UNC13C: variants seen among roughly 807,000 people sequenced by gnomAD.
The protein encoded by UNC13C is unc-13 homolog C, also known as protein unc-13 homolog C.
Under a neutral mutation model 245.4 loss-of-function variants are expected in UNC13C, and 174 were observed. The ratio of observed to expected loss-of-function variants is 0.71; its 90% CI spans 0.63 to 0.80. The LOEUF (loss-of-function observed/expected upper bound fraction) is 0.80. UNC13C is among the 30% of genes least tolerant of loss of function. The probability of loss-of-function intolerance (pLI) is 0.00; values close to 1 mark genes in which losing one functional copy is unlikely to be tolerated. For missense variants in UNC13C, 2,829 were observed against 2,602.9 expected (o/e 1.09, Z -1.89); for synonymous variants, 992 against 895.1 (o/e 1.11, Z -1.93).
chr15:53,842,917 T>A, the UNC13C span, among the ~76,000 whole-genome samples: 2 of 146,834 alleles, frequency 1.4e-5, no homozygotes, highest in South Asian at 4.2e-4. Context: ...TATATATATA[T>A]AATGTAAAAA....
rs115283904 is a variant in UNC13C at position 54,239,589 on chromosome 15, T to C, written c.3228+1899T>C. Among the ~76,000 whole-genome samples the C allele has an allele frequency of 9.4e-3, 1,426 of 152,112 alleles. 18 individuals carry two copies. The highest frequency in any genetic ancestry group is 0.033 in the African/African-American group (1,365 of 41,438). On this transcript the variant is annotated intron_variant, in intron 7 of 32. Transcript: ENST00000260323. Reference sequence around the variant, plus strand: ...CCTCTGCCTTCTGGGTAGTTGAGGCTAAAGGCATATGCCACCACACTCAGC... The same window carrying C: ...CCTCTGCCTTCTGGGTAGTTGAGGCCAAAGGCATATGCCACCACACTCAGC...
chr15:54,512,305 C>CGTGTCTGTA (rs1596496105), intron 24 of UNC13C: 5 of 455,420 alleles, frequency 1.1e-5, no homozygotes, highest in Non-Finnish European at 2.2e-5. Flanking sequence ...TGTAATGTGT[C>CGTGTCTGTA]ATGTCTTTGT....
At chr15:54,612,288 T>C (rs1017697227) in intron 30 of UNC13C, among the ~76,000 whole-genome samples, 25 of 67,866 alleles carry the variant, frequency 3.7e-4, no homozygotes, top group South Asian at 1.2e-3. Flanking sequence ...CAATGCTAGA[T>C]ACCTTAAAGG....
chr15:54,419,168 T>C lies in UNC13C; in HGVS notation c.4933+4101T>C, dbSNP rs143178436. Reference sequence around the variant, plus strand: ...CCATCTACTAAATCACTTTGTTATCTATTTCAGTAAAAGATAATTAAAATA... The same window carrying C: ...CCATCTACTAAATCACTTTGTTATCCATTTCAGTAAAAGATAATTAAAATA... On this transcript the variant is annotated intron_variant, in intron 19 of 32. Transcript: ENST00000260323. Among the ~76,000 whole-genome samples, 17 of 152,326 alleles carry C rather than the reference T, an allele frequency of 1.1e-4. No homozygotes were observed. In the East Asian group the frequency reaches 2.1e-3, roughly 19 times the overall value.
the UNC13C span, among the ~76,000 whole-genome samples, chr15:53,949,085 G>T: frequency 1.3e-5 from 2 of 152,190 alleles, no homozygotes; most frequent in Non-Finnish European, 2.9e-5. Flanking sequence ...GAGGAGTACA[G>T]AAAATAGATA....
chr15:54,528,808 G>A (rs1226803591), intron 25 of UNC13C, among the ~76,000 whole-genome samples: 1 of 152,112 alleles, frequency 6.6e-6, no homozygotes, highest in Non-Finnish European at 1.5e-5. Context: ...AAATCAACTA[G>A]TTCAAAATAT....
chr15:54,375,123 T>C (rs1040176265), intron 17 of UNC13C, among the ~76,000 whole-genome samples: 8 of 152,190 alleles, frequency 5.3e-5, no homozygotes, highest in Non-Finnish European at 8.8e-5. Flanking sequence ...TACCTGTAAG[T>C]AGAATTACAG....
chr15:54,494,066 A>G lies in UNC13C; in HGVS notation c.4934-542A>G, dbSNP rs373193018. 1.4e-3 allele frequency among the ~76,000 whole-genome samples: 217 copies of G among 152,232 alleles called. 1 individual carries two copies. The highest frequency in any genetic ancestry group is 5.1e-3 in the African/African-American group (211 of 41,568). On this transcript the variant is annotated intron_variant, in intron 19 of 32. Coordinates refer to ENST00000260323, the MANE Select transcript of UNC13C (RefSeq NM_001080534.3). ...ATTTTAATGCTTTAGGGGGTAAATAACTAGGCCAGAAATGTGATCTACTCA... is the reference window on the plus strand; with the variant it reads ...ATTTTAATGCTTTAGGGGGTAAATAGCTAGGCCAGAAATGTGATCTACTCA...
At chr15:54,260,536 G>A (rs139480021) in intron 8 of UNC13C, among the ~76,000 whole-genome samples, 3,620 of 149,340 alleles carry the variant, frequency 0.024, 55 homozygotes, top group Non-Finnish European at 0.031. Context: ...ACATAGATAT[G>A]TATACATATA....
At position 54,167,500 on chromosome 15, in the gene UNC13C, CAAAAAAA is replaced by C. The variant is rs67762910; in HGVS notation, c.3071+23829_3071+23835del. ...CTGGGTGACAGAGCGACACTCGTCT[CAAAAAAA>C]AAAAAAAAAAAAGAAAAGAAAAATA... is the stretch of plus-strand genomic sequence containing the variant. On this transcript the variant is annotated intron_variant, in intron 4 of 32. Transcript: ENST00000260323. Among the ~76,000 whole-genome samples, 60 of 90,652 alleles carry C rather than the reference CAAAAAAA, an allele frequency of 6.6e-4. 1 individual carries two copies. Among genetic ancestry groups the C allele is most frequent in the Admixed American group, 1.5e-3 (11 of 7,480 alleles). 59.5% of individuals were successfully genotyped at this position (90,652 alleles called of 152,430 possible). A position where few individuals can be genotyped will look rare whatever the true frequency, so the allele number is the denominator to read the frequency against.
rs1380191507 is a variant in UNC13C, at chr15:54,500,894, G to A, written c.5217G>A (p.Gln1739=). Residue 1739 remains glutamine, a synonymous_variant, in exon 22 of 33, where the codon CAG becomes CAA. Transcript: ENST00000260323. Reference sequence around the variant, plus strand: ...GCTCCGTGGTTGATGTCTTTGCTCAGCTGAATCAGAGCTTTGAAATTATTA... The same window carrying A: ...GCTCCGTGGTTGATGTCTTTGCTCAACTGAATCAGAGCTTTGAAATTATTA... The part of the protein sequence containing the change: ...FSCSVVDVFA[Q]LNQSFEIIKK... The A allele has an allele frequency of 1.3e-5, 21 of 1,613,028 alleles. No homozygotes were observed. Among genetic ancestry groups the A allele is most frequent in the Admixed American group, 3.3e-5 (2 of 59,876 alleles).
intron 4 of UNC13C, among the ~76,000 whole-genome samples, chr15:54,199,449 A>G (rs1488971944): frequency 6.6e-6 from 1 of 152,152 alleles, no homozygotes; most frequent in Admixed American, 6.6e-5. Flanking sequence ...GTAAAGCATC[A>G]GGTAACCTAT....
chr15:54,425,884 A>G (rs2040749236), intron 19 of UNC13C, among the ~76,000 whole-genome samples: 1 of 151,856 alleles, frequency 6.6e-6, no homozygotes, highest in Non-Finnish European at 1.5e-5. Context: ...AGGTGTTGGT[A>G]GACAGCCTTT....
At chr15:54,289,186 G>C (rs1238544555) in intron 10 of UNC13C, among the ~76,000 whole-genome samples, 3 of 151,906 alleles carry the variant, frequency 2.0e-5, no homozygotes, top group Non-Finnish European at 4.4e-5. Context: ...ACCCTCTTTT[G>C]AACATGGCTG....
Position 54,300,393 on chromosome 15 carries a change from T to C in UNC13C, c.4268+20T>C. ...TATGACGTAAGTACTACAGAACATTTACATGGTCAATATCTCTATTAAAAT... is the reference window on the plus strand; with the variant it reads ...TATGACGTAAGTACTACAGAACATTCACATGGTCAATATCTCTATTAAAAT... On this transcript the variant is annotated intron_variant, in intron 13 of 32. Transcript: ENST00000260323. The C allele has an allele frequency of 6.4e-7, 1 of 1,552,288 alleles. No homozygotes were observed. Among genetic ancestry groups the C allele is most frequent in the Non-Finnish European group, 8.7e-7 (1 of 1,145,766 alleles).
At chr15:54,158,058 C>G (rs2032825214) in intron 4 of UNC13C, among the ~76,000 whole-genome samples, 1 of 152,184 alleles carries the variant, frequency 6.6e-6, no homozygotes, top group Non-Finnish European at 1.5e-5. Flanking sequence ...ACAAGAAAAT[C>G]ATATCTCAAG....
At chr15:54,083,321 C>A (rs994288032) in intron 2 of UNC13C, among the ~76,000 whole-genome samples, 3 of 152,276 alleles carry the variant, frequency 2.0e-5, no homozygotes, top group African/African-American at 7.2e-5. Flanking sequence ...CTGGCAGCGA[C>A]CACCAAACTG....
intron 11 of UNC13C, among the ~76,000 whole-genome samples, chr15:54,294,633 T>G (rs2037383808): frequency 6.6e-6 from 1 of 152,124 alleles, no homozygotes; most frequent in South Asian, 2.1e-4. Context: ...AAGTTTTAAT[T>G]TAACTTTTAC....
chr15:54,144,248 G>A (rs1488598339), intron 4 of UNC13C, among the ~76,000 whole-genome samples: 1 of 151,966 alleles, frequency 6.6e-6, no homozygotes, highest in Non-Finnish European at 1.5e-5. Flanking sequence ...TGGTATCAGT[G>A]TGGCATGAAT....
Sources: gnomAD v4.1 joint callset for allele counts (sites outside exome capture counted in the v4.1 genomes callset) on GRCh38, gnomAD v4.1.1 for gene constraint, MANE v1.5 for transcripts, NCBI Gene and HGNC (gene_info 2026-07-23, HGNC 2026-07-21) for gene names.